Variants in NCOA2 observed in about 807,000 individuals in gnomAD.
The protein encoded by NCOA2 is class E basic helix-loop-helix protein 75.
A neutral mutation model predicts 145.1 loss-of-function variants in NCOA2; 21 were observed. The ratio of observed to expected loss-of-function variants is 0.14; its 90% CI spans 0.10 to 0.21. The LOEUF is 0.21. NCOA2 is among the 10% of genes least tolerant of loss of function. The pLI, the probability that NCOA2 is intolerant of heterozygous loss-of-function variation, is 1.00. For missense variants in NCOA2, 1,472 were observed against 1,837.6 expected (o/e 0.80, Z 3.64); for synonymous variants, 619 against 637.5 (o/e 0.97, Z 0.44).
upstream of NCOA2, among the ~76,000 whole-genome samples, chr8:70,405,876 C>CT (rs528466097): frequency 7.9e-4 from 121 of 152,226 alleles, no homozygotes; most frequent in African/African-American, 2.8e-3. Flanking sequence ...CGGCTGAAGA[C>CT]TTTTTCTTAC....
At chr8:70,291,679 C>A (rs1826690777) in intron 2 of NCOA2, among the ~76,000 whole-genome samples, 1 of 152,190 alleles carries the variant, frequency 6.6e-6, no homozygotes, top group Non-Finnish European at 1.5e-5. Flanking sequence ...AGGTGCGTGT[C>A]TTCCTAAGAG....
chr8:70,116,607 G>A (rs190970834), intron 22 of NCOA2, among the ~76,000 whole-genome samples: 171 of 152,218 alleles, frequency 1.1e-3, no homozygotes, highest in African/African-American at 3.9e-3. Context: ...AGCTTATTAC[G>A]GAAACACGGG....
chr8:70,424,480 A>C, the NCOA2 span: 1 of 521,578 alleles, frequency 1.9e-6, no homozygotes, highest in Non-Finnish European at 3.9e-6. Context: ...CACACCCTCA[A>C]TGGCAGTGAT....
At chr8:70,367,092 A>G (rs1399978304) in intron 1 of NCOA2, among the ~76,000 whole-genome samples, 2 of 152,230 alleles carry the variant, frequency 1.3e-5, no homozygotes, top group Admixed American at 6.5e-5. Context: ...CTGACTTTAC[A>G]TACAACCTTC....
intron 9 of NCOA2, among the ~76,000 whole-genome samples, chr8:70,160,688 AG>A (rs1421949073): frequency 0.011 from 1,605 of 148,294 alleles, 43 homozygotes; most frequent in African/African-American, 0.04. Flanking sequence ...AGAGGGAGAG[AG>A]AGAGAGAGAG....
chr8:70,190,286 C>T (rs1468912088), intron 4 of NCOA2, among the ~76,000 whole-genome samples: 2 of 152,092 alleles, frequency 1.3e-5, no homozygotes, highest in African/African-American at 4.8e-5. Context: ...AAGTGGTAGA[C>T]TTAGAGAAAA....
At chr8:70,119,435 A>G (rs1350674011) in intron 22 of NCOA2, among the ~76,000 whole-genome samples, 1 of 152,132 alleles carries the variant, frequency 6.6e-6, no homozygotes, top group East Asian at 1.9e-4. Flanking sequence ...TATATGTACC[A>G]CATTTTCTTT....
At chr8:70,389,154 G>A (rs192079515) in intron 1 of NCOA2, among the ~76,000 whole-genome samples, 149 of 151,938 alleles carry the variant, frequency 9.8e-4, no homozygotes, top group African/African-American at 3.3e-3. Flanking sequence ...CCCTGTTTTC[G>A]TTACACTTCA....
intron 1 of NCOA2, among the ~76,000 whole-genome samples, chr8:70,391,701 A>C (rs1417692581): frequency 6.6e-6 from 1 of 152,234 alleles, no homozygotes; most frequent in Non-Finnish European, 1.5e-5. Context: ...AAAAAGTCTA[A>C]ACAAACAAAA....
In NCOA2 at chr8:70,156,264, C is replaced by G. The variant is rs775771976; in HGVS notation, c.2101G>C (p.Val701Leu). The change falls in exon 11 of 23, where the codon GTG (valine) becomes CTG (leucine). Residue 701 changes from valine to leucine, a missense_variant. By Grantham distance (32) the Val-to-Leu change is conservative. Coordinates refer to ENST00000452400, the MANE Select transcript of NCOA2 (RefSeq NM_006540.4). Reference sequence around the variant, plus strand: ...TCTGCTGTTAACTTGGCCAAGTCCACAGGGGAACTGCTGTCCTGCAAGAGT... The same window carrying G: ...TCTGCTGTTAACTTGGCCAAGTCCAGAGGGGAACTGCTGTCCTGCAAGAGT... ...HRLLQDSSSP[V>L]DLAKLTAEAT... 2 of 1,613,962 alleles carry G rather than the reference C, an allele frequency of 1.2e-6. No individual in the cohort carries two copies. Among genetic ancestry groups the G allele is most frequent in the South Asian group, 2.2e-5 (2 of 91,080 alleles).
intron 2 of NCOA2, among the ~76,000 whole-genome samples, chr8:70,281,355 C>CAAAAA (rs372574771): frequency 4.9e-5 from 3 of 61,020 alleles, no homozygotes; most frequent in East Asian, 7.9e-4. Context: ...GACCCTGTCT[C>CAAAAA]AAAAAAAAAA....
At chr8:70,149,415 A>AT (rs780178075) in intron 11 of NCOA2, among the ~76,000 whole-genome samples, 8,491 of 137,364 alleles carry the variant, frequency 0.062, 308 homozygotes, top group East Asian at 0.17. Context: ...TAATTTTTTG[A>AT]TTTTTTTTTT....
At chr8:70,312,251 A>G (rs1187860065) in intron 1 of NCOA2, among the ~76,000 whole-genome samples, 1 of 152,202 alleles carries the variant, frequency 6.6e-6, no homozygotes, top group Non-Finnish European at 1.5e-5. Flanking sequence ...CCAATGTCAT[A>G]GTCTTAAATT....
intron 11 of NCOA2, among the ~76,000 whole-genome samples, chr8:70,155,287 A>T (rs968737982): frequency 6.6e-6 from 1 of 152,198 alleles, no homozygotes; most frequent in African/African-American, 2.4e-5. Flanking sequence ...CTTTTGCATT[A>T]ATCAGAAGTT....
rs747018939 is a variant in NCOA2, at chr8:70,249,963, CAAA to C, written c.-19-33202_-19-33200del. Among the ~76,000 whole-genome samples, 32 of 75,232 alleles carry C rather than the reference CAAA, an allele frequency of 4.3e-4. 1 individual carries two copies. Among genetic ancestry groups the C allele is most frequent in the Middle Eastern group, 8.6e-3 (1 of 116 alleles). 49.4% of individuals were successfully genotyped at this position (75,232 alleles called of 152,430 possible). ...AGGCAACAGAGAGAGAATCTGCCTC[CAAA>C]AAAAAAAAAAAAAGAAGAAGAAGAA... On this transcript the variant is annotated intron_variant, in intron 2 of 22. Coordinates refer to ENST00000452400, the MANE Select transcript of NCOA2 (RefSeq NM_006540.4).
intron 12 of NCOA2, among the ~76,000 whole-genome samples, chr8:70,145,374 G>C (rs1810931571): frequency 6.6e-6 from 1 of 151,474 alleles, no homozygotes; most frequent in African/African-American, 2.4e-5. Context: ...TGCGAGGCTG[G>C]AGTGTAGTGG....
intron 9 of NCOA2, among the ~76,000 whole-genome samples, chr8:70,162,478 C>T (rs1389485647): frequency 6.6e-6 from 1 of 152,198 alleles, no homozygotes; most frequent in Non-Finnish European, 1.5e-5. Context: ...AAAATGACCT[C>T]TTCCTCCTTT....
intron 2 of NCOA2, among the ~76,000 whole-genome samples, chr8:70,244,379 T>C (rs748897745): frequency 1.3e-5 from 2 of 152,098 alleles, no homozygotes; most frequent in Admixed American, 1.3e-4. Context: ...TGAGAATTAA[T>C]AGCATTAACA....
chr8:70,281,024 A>C (rs1825831427), intron 2 of NCOA2, among the ~76,000 whole-genome samples: 1 of 151,866 alleles, frequency 6.6e-6, no homozygotes, highest in Admixed American at 6.6e-5. Flanking sequence ...GAAGCTTCTA[A>C]TGTGAATTAA....
Sources: gnomAD v4.1 joint callset for allele counts (sites outside exome capture counted in the v4.1 genomes callset) on GRCh38, gnomAD v4.1.1 for gene constraint, MANE v1.5 for transcripts, NCBI Gene and HGNC (gene_info 2026-07-23, HGNC 2026-07-21) for gene names.